PTPRN2: variants seen among roughly 807,000 people sequenced by gnomAD.
The protein encoded by PTPRN2 is receptor-type tyrosine-protein phosphatase N2.
Under a neutral mutation model 118.8 loss-of-function variants are expected in PTPRN2, and 74 were observed. The observed-to-expected ratio is 0.62, with a 90% CI of 0.52 to 0.76. PTPRN2 has a LOEUF of 0.76. PTPRN2 is among the 30% of genes least tolerant of loss of function. PTPRN2 has a pLI of 0.00. For missense variants in PTPRN2, 1,481 were observed against 1,394.4 expected (o/e 1.06, Z -0.99); for synonymous variants, 641 against 608.0 (o/e 1.05, Z -0.80).
In PTPRN2 at chr7:158,124,817, G is replaced by A. The variant is rs1036120304; in HGVS notation, c.1556+8860C>T. Among the ~76,000 whole-genome samples the A allele has an allele frequency of 3.9e-5, 6 of 152,344 alleles. No homozygotes were observed. In the East Asian group the frequency reaches 5.8e-4, roughly 15 times the overall value. On this transcript the variant is annotated intron_variant, in intron 9 of 22. Transcript: ENST00000389418. ...GGCTGGGGTCTGTATCTCAGGACCA[G>A]TGGAGTCACAGCCAGATTCCAACAG...
rs11352464 is a variant in PTPRN2, at chr7:158,003,413, C to CAAAA, written c.1723+77881_1723+77884dup. 3.9e-3 allele frequency among the ~76,000 whole-genome samples: 339 copies of CAAAA among 87,368 alleles called. 2 individuals are homozygous for CAAAA. The highest frequency in any genetic ancestry group is 0.013 in the African/African-American group (281 of 22,290). The allele number at this position is 87,368 out of a possible 152,430, so 57.3% of individuals were successfully genotyped here. The stretch of plus-strand genomic sequence containing the variant: ...TGGGAGACACAGCGAGACTCCGTCT[C>CAAAA]AAAAAAAAAAAAAAAAAAAAATGAG... On this transcript the variant is annotated intron_variant, in intron 11 of 22. Coordinates refer to ENST00000389418, the MANE Select transcript of PTPRN2 (RefSeq NM_002847.5). This position sits in a 1 kb window ranked among gnomAD's most constrained non-coding sequence, Gnocchi z 5.0.
At chr7:157,649,713 C>T (rs1411615489) in intron 14 of PTPRN2, among the ~76,000 whole-genome samples, 10 of 147,116 alleles carry the variant, frequency 6.8e-5, no homozygotes, top group African/African-American at 2.3e-4. Context: ...GCACTGAACT[C>T]GGTGGGTCGG....
At chr7:157,857,714 G>C (rs558232540) in intron 12 of PTPRN2, 1 of 152,376 alleles carries the variant, frequency 6.6e-6, no homozygotes, top group East Asian at 1.9e-4. Context: ...TCCCTGACGC[G>C]CCACGTGTCC....
At position 158,192,380 on chromosome 7, in the gene PTPRN2, C is replaced by G; in HGVS notation, c.496G>C (p.Ala166Pro). Residue 166 changes from alanine to proline, a missense_variant, in exon 5 of 23, where the codon GCC (alanine) becomes CCC (proline). By Grantham distance (27) the Ala-to-Pro change is conservative (BLOSUM62 -1). Transcript: ENST00000389418. The stretch of plus-strand genomic sequence containing the variant: ...TGGGTCCTGGCGAGCACGTCTGAGG[C>G]TGGGGCCTGGGACAGGGCCTCCAGG... ...PFLEALSQAP[A>P]SDVLARTHTA... is the part of the protein sequence containing the mutation. The G allele has an allele frequency of 6.5e-7, 1 of 1,528,018 alleles. No individual in the cohort carries two copies. The highest frequency in any genetic ancestry group is 8.7e-7 in the Non-Finnish European group (1 of 1,149,406). 94.7% of individuals were successfully genotyped at this position (1,528,018 alleles called of 1,614,324 possible).
At chr7:158,515,895 T>G (rs1425916491) in intron 1 of PTPRN2, among the ~76,000 whole-genome samples, 4 of 152,142 alleles carry the variant, frequency 2.6e-5, no homozygotes, top group Non-Finnish European at 5.9e-5. Flanking sequence ...TTTCCACACT[T>G]TTTCCAAGAG....
chr7:157,948,267 A>T (rs1329430242), intron 11 of PTPRN2, among the ~76,000 whole-genome samples: 2 of 152,272 alleles, frequency 1.3e-5, no homozygotes, highest in Admixed American at 1.3e-4. Flanking sequence ...TGTTAACAGC[A>T]TACAATGTAG....
At chr7:158,550,938 C>A (rs1229160471) in intron 1 of PTPRN2, among the ~76,000 whole-genome samples, 4 of 152,222 alleles carry the variant, frequency 2.6e-5, no homozygotes, top group African/African-American at 9.6e-5. Context: ...CTCATCCCAT[C>A]CATGAGTGAC....
intron 1 of PTPRN2, among the ~76,000 whole-genome samples, chr7:158,538,096 G>A (rs1471061303): frequency 6.6e-6 from 1 of 152,228 alleles, no homozygotes; most frequent in Non-Finnish European, 1.5e-5. Flanking sequence ...GGGACAGAGG[G>A]TCCCCCTGTG....
At chr7:157,638,226 G>A (rs920439418) in intron 14 of PTPRN2, among the ~76,000 whole-genome samples, 1 of 151,932 alleles carries the variant, frequency 6.6e-6, no homozygotes, top group African/African-American at 2.4e-5. Flanking sequence ...ATCTTGAAGG[G>A]GTCAGTCTAT....
At position 157,705,728 on chromosome 7, in the gene PTPRN2, C is replaced by T. The variant is rs190922361; in HGVS notation, c.1789-22791G>A. Reference sequence around the variant, plus strand: ...CTTCTGGATAAACGCGGATCACATCCCCCAGAATGCTGGGAATTCAGTGAA... The same window carrying T: ...CTTCTGGATAAACGCGGATCACATCTCCCAGAATGCTGGGAATTCAGTGAA... On this transcript the variant is annotated intron_variant, in intron 12 of 22. Coordinates refer to ENST00000389418, the MANE Select transcript of PTPRN2 (RefSeq NM_002847.5). Among the ~76,000 whole-genome samples the T allele has an allele frequency of 2.0e-5, 3 of 151,918 alleles. No individual in the cohort carries two copies. In the East Asian group the frequency reaches 5.8e-4, roughly 29 times the overall value.
chr7:158,301,180 C>T (rs1586173733), intron 3 of PTPRN2, among the ~76,000 whole-genome samples: 1 of 152,268 alleles, frequency 6.6e-6, no homozygotes, highest in East Asian at 1.9e-4. Flanking sequence ...TTTAGGGGCA[C>T]TTTTCCTTGA....
rs1443936148 is a variant in PTPRN2, at chr7:158,310,848, C to A, written c.277+5971G>T. 1.5e-4 allele frequency among the ~76,000 whole-genome samples: 7 copies of A among 47,396 alleles called. No homozygotes were observed. In the East Asian group the frequency reaches 2.4e-3, roughly 16 times the overall value. The allele number at this position is 47,396 out of a possible 152,430, so 31.1% of individuals were successfully genotyped here. Reference sequence around the variant, plus strand: ...CCCTGAGCCGGACAGAGCGCAAATCCCACGGAGGGCGAGCCCTGAGCCTGA... The same window carrying A: ...CCCTGAGCCGGACAGAGCGCAAATCACACGGAGGGCGAGCCCTGAGCCTGA... On this transcript the variant is annotated intron_variant, in intron 3 of 22. Transcript: ENST00000389418.
At chr7:158,430,579 G>A (rs1389061780) in intron 2 of PTPRN2, among the ~76,000 whole-genome samples, 2 of 152,236 alleles carry the variant, frequency 1.3e-5, no homozygotes, top group African/African-American at 4.8e-5. Flanking sequence ...ATTGCTTCTT[G>A]TCCTAATTGA....
intron 4 of PTPRN2, among the ~76,000 whole-genome samples, chr7:158,198,302 A>G (rs952046500): frequency 1.2e-4 from 19 of 152,222 alleles, no homozygotes; most frequent in Non-Finnish European, 2.2e-4. Context: ...TAACTTGCAC[A>G]TTGACTTTTG....
At chr7:158,076,316 A>G (rs1029689390) in intron 11 of PTPRN2, among the ~76,000 whole-genome samples, 3 of 152,008 alleles carry the variant, frequency 2.0e-5, no homozygotes, top group African/African-American at 7.2e-5. Flanking sequence ...CTCCCTGGGG[A>G]GTGGGTGTGT....
chr7:158,474,391 A>G (rs1670347), intron 2 of PTPRN2, among the ~76,000 whole-genome samples: 1 of 152,102 alleles, frequency 6.6e-6, no homozygotes, highest in Non-Finnish European at 1.5e-5. Context: ...TGGAAATATG[A>G]AAATGAGTTT....
At chr7:158,449,930 A>G (rs13438489) in intron 2 of PTPRN2, among the ~76,000 whole-genome samples, 49,983 of 152,200 alleles carry the variant, frequency 0.33, 8,878 homozygotes, top group African/African-American at 0.45. Context: ...CAAGGTGGCC[A>G]CAGCACAGAT....
chr7:158,271,932 G>A (rs575622646), intron 3 of PTPRN2, among the ~76,000 whole-genome samples: 7 of 152,120 alleles, frequency 4.6e-5, no homozygotes, highest in South Asian at 4.2e-4. Context: ...TGGGGTAGGC[G>A]GACACAAACC....
intron 2 of PTPRN2, among the ~76,000 whole-genome samples, chr7:158,361,780 C>G (rs2151293486): frequency 6.6e-6 from 1 of 152,294 alleles, no homozygotes; most frequent in Non-Finnish European, 1.5e-5. Flanking sequence ...TGCCTGGAGC[C>G]AGGTGTGGGC....
Sources: gnomAD v4.1 joint callset for allele counts (sites outside exome capture counted in the v4.1 genomes callset) on GRCh38, gnomAD v4.1.1 for gene constraint, Gnocchi (gnomAD v3.1) non-coding constraint, MANE v1.5 for transcripts, NCBI Gene and HGNC (gene_info 2026-07-23, HGNC 2026-07-21) for gene names.